FRMD3: variants seen among roughly 807,000 people sequenced by gnomAD.
FRMD3 encodes the protein FERM domain containing 3, also known as FERM domain-containing protein 3.
In FRMD3, 33 loss-of-function variants were observed where a neutral mutation model predicts 70.2. That is an observed-to-expected ratio of 0.47 (90% confidence interval 0.36 to 0.63). The LOEUF (loss-of-function observed/expected upper bound fraction) is 0.63, where lower values mean the gene tolerates loss of function less well. Among genes scored for constraint, FRMD3 ranks in the 20% least tolerant of loss-of-function variants. FRMD3 has a pLI of 0.00. For missense variants in FRMD3, 632 were observed against 711.4 expected, an observed-to-expected ratio of 0.89 and a Z score of 1.27; for synonymous variants, 279 against 255.9, an observed-to-expected ratio of 1.09 and a Z score of -0.86.
At chr9:83,290,525 A>G (rs1834375190) in intron 13 of FRMD3, 78 bp downstream of exon 13, 1 of 1,518,064 alleles carries the variant, frequency 6.6e-7, no homozygotes, top group Non-Finnish European at 9.1e-7. Context: ...TACCCATCAT[A>G]TGCAGAATTG....
At chr9:83,572,414 C>A in the FRMD3 span, among the ~76,000 whole-genome samples, 4 of 152,102 alleles carry the variant, frequency 2.6e-5, no homozygotes, top group Non-Finnish European at 5.9e-5. Flanking sequence ...TAGAGTATAT[C>A]AGAACAAATG....
At chr9:83,353,051 T>C (rs773570944) in intron 3 of FRMD3, among the ~76,000 whole-genome samples, 32 of 152,308 alleles carry the variant, frequency 2.1e-4, no homozygotes, top group Admixed American at 2.0e-4. Flanking sequence ...GAGGCACTTT[T>C]CAAGTTTAAC....
intron 1 of FRMD3, among the ~76,000 whole-genome samples, chr9:83,405,182 C>T (rs1326326111): frequency 6.6e-6 from 1 of 152,190 alleles, no homozygotes; most frequent in African/African-American, 2.4e-5. Flanking sequence ...GTAGAGTCCC[C>T]TGCCTCTGCC....
chr9:83,463,048 G>C (rs144826181), intron 1 of FRMD3, among the ~76,000 whole-genome samples: 2 of 152,270 alleles, frequency 1.3e-5, no homozygotes, highest in Non-Finnish European at 2.9e-5. Flanking sequence ...GCAAAAGAAG[G>C]ATGCAAAAAT....
At chr9:83,490,798 T>TCTCTCTCTCTCACACACACA (rs752047493) in intron 1 of FRMD3, among the ~76,000 whole-genome samples, 1 of 110,716 alleles carries the variant, frequency 9.0e-6, no homozygotes, top group African/African-American at 3.7e-5. Flanking sequence ...TCTCTCTCTC[T>TCTCTCTCTCTCACACACACA]CACACACACA....
At chr9:83,514,950 C>T (rs1391598137) in intron 1 of FRMD3, among the ~76,000 whole-genome samples, 3 of 152,164 alleles carry the variant, frequency 2.0e-5, no homozygotes, top group Non-Finnish European at 2.9e-5. Context: ...CGCAATAACT[C>T]CATCCAAAGG....
chr9:83,342,075 T>TCTCTCTCTCTCTCTC (rs1823778104), intron 5 of FRMD3, among the ~76,000 whole-genome samples: 2 of 60,220 alleles, frequency 3.3e-5, no homozygotes, highest in African/African-American at 7.5e-5. Context: ...CTCTCTCTCT[T>TCTCTCTCTCTCTCTC]TCCCCCAGCC....
chr9:83,503,856 G>GAAAAGGCACAACTC (rs1321615489), intron 1 of FRMD3, among the ~76,000 whole-genome samples: 3 of 152,324 alleles, frequency 2.0e-5, no homozygotes, highest in African/African-American at 7.2e-5. Context: ...ATCATGGACA[G>GAAAAGGCACAACTC]AAAAGGCACA....
intron 6 of FRMD3, among the ~76,000 whole-genome samples, chr9:83,334,430 G>C (rs953423511): frequency 3.3e-5 from 5 of 152,194 alleles, no homozygotes; most frequent in African/African-American, 1.2e-4. Context: ...CACCAGTAGG[G>C]GGCGCGCCTG....
chr9:83,358,406 T>C (rs12338045), intron 3 of FRMD3, among the ~76,000 whole-genome samples: 25 of 152,164 alleles, frequency 1.6e-4, no homozygotes, highest in African/African-American at 6.0e-4. Flanking sequence ...TCTTGCTTTG[T>C]CTATGTGGGC....
chr9:83,329,340 C>G (rs142242744), intron 6 of FRMD3, among the ~76,000 whole-genome samples: 1 of 152,088 alleles, frequency 6.6e-6, no homozygotes, highest in South Asian at 2.1e-4. Context: ...GGAGAGAGAT[C>G]GATGACAAAG....
intron 1 of FRMD3, among the ~76,000 whole-genome samples, chr9:83,465,332 G>A (rs551493049): frequency 3.9e-5 from 6 of 152,282 alleles, no homozygotes; most frequent in African/African-American, 1.4e-4. Context: ...GCTCATGCCT[G>A]TAAGCTCAGA....
intron 1 of FRMD3, among the ~76,000 whole-genome samples, chr9:83,436,458 ATGTGTGTGTG>A (rs148417744): frequency 2.1e-5 from 3 of 144,566 alleles, no homozygotes; most frequent in Admixed American, 7.0e-5. Flanking sequence ...AATTAATAAG[ATGTGTGTGTG>A]TGTGTGTGTG....
chr9:83,557,105 A>G, the FRMD3 span, among the ~76,000 whole-genome samples: 31 of 152,292 alleles, frequency 2.0e-4, 1 homozygote, highest in East Asian at 5.8e-3. Context: ...GATTCATGAG[A>G]CAGACAAAGC....
rs561486698 is a variant in FRMD3, at chr9:83,246,571, C to T, written c.*1347G>A. The T allele has an allele frequency of 6.1e-6, 6 of 984,900 alleles. No individual in the cohort carries two copies. In the South Asian group the frequency reaches 2.4e-4, roughly 39 times the overall value. 61.0% of individuals were successfully genotyped at this position (984,900 alleles called of 1,614,324 possible). A position where few individuals can be genotyped will look rare whatever the true frequency, so the allele number is the denominator to read the frequency against. On this transcript the variant is annotated 3_prime_UTR_variant, in exon 14 of 14. Transcript: ENST00000304195. ...CTATGGAAGTCAAATTTTAAAACAA[C>T]TGGGAAAGGAAAGGAGTATAATGAC...
chr9:83,497,350 T>C (rs1828965572), intron 1 of FRMD3, among the ~76,000 whole-genome samples: 1 of 152,084 alleles, frequency 6.6e-6, no homozygotes, highest in Non-Finnish European at 1.5e-5. Flanking sequence ...CAAAATGAAA[T>C]GGAAGTGAAA....
rs1823826371 is a variant in FRMD3 at position 83,343,040 on chromosome 9, A to C, written c.472+150T>G. Reference sequence around the variant, plus strand: ...CCCCACTGGCTTGGAAGGGAAGGTGAGTTGGGGTTCTGTTGCTACGTACCC... The same window carrying C: ...CCCCACTGGCTTGGAAGGGAAGGTGCGTTGGGGTTCTGTTGCTACGTACCC... On this transcript the variant is annotated intron_variant, in intron 5 of 13. Coordinates refer to ENST00000304195, the MANE Select transcript of FRMD3 (RefSeq NM_174938.6). 6.2e-6 allele frequency: 4 copies of C among 649,422 alleles called. No individual in the cohort carries two copies. In the East Asian group the frequency reaches 1.1e-4, roughly 17 times the overall value. The allele number at this position is 649,422 out of a possible 1,614,324, so 40.2% of individuals were successfully genotyped here. A position where few individuals can be genotyped will look rare whatever the true frequency, so the allele number is the denominator to read the frequency against.
At chr9:83,340,865 GA>G (rs1487180016) in intron 5 of FRMD3, among the ~76,000 whole-genome samples, 6 of 152,132 alleles carry the variant, frequency 3.9e-5, no homozygotes, top group Non-Finnish European at 8.8e-5. Flanking sequence ...CAAGTAGCTG[GA>G]ATTACAGGTG....
In FRMD3 at chr9:83,247,144, AG is replaced by A; in HGVS notation, c.*773del. 3 of 985,338 alleles carry A rather than the reference AG, an allele frequency of 3.0e-6. No homozygotes were observed. The highest frequency in any genetic ancestry group is 3.6e-6 in the Non-Finnish European group (3 of 829,850). 61.0% of individuals were successfully genotyped at this position (985,338 alleles called of 1,614,324 possible). ...ATACTTTGAAAAATGGACCACCCTGAGTCCACTTGATGCTCTCAGTTTCTAC... is the reference window on the plus strand; with the variant it reads ...ATACTTTGAAAAATGGACCACCCTGATCCACTTGATGCTCTCAGTTTCTAC... On this transcript the variant is annotated 3_prime_UTR_variant, in exon 14 of 14. Coordinates refer to ENST00000304195, the MANE Select transcript of FRMD3 (RefSeq NM_174938.6).
Sources: allele counts gnomAD v4.1 joint callset (sites outside exome capture counted in the v4.1 genomes callset), GRCh38; gene constraint gnomAD v4.1.1; transcripts MANE v1.5; gene names NCBI Gene and HGNC (gene_info 2026-07-23, HGNC 2026-07-21).